SDK1: variants seen among roughly 807,000 people sequenced by gnomAD.
SDK1 encodes sidekick cell adhesion molecule 1, also known as protein sidekick-1.
A neutral mutation model predicts 245.5 loss-of-function variants in SDK1; 157 were observed. That is an observed-to-expected ratio of 0.64 (90% CI 0.56 to 0.73). The LOEUF (loss-of-function observed/expected upper bound fraction) is 0.73. Ranked by LOEUF, SDK1 falls within the 30% of genes least tolerant of loss-of-function variation. The pLI, the probability that SDK1 is intolerant of heterozygous loss-of-function variation, is 0.00. For missense variants in SDK1, 3,583 were observed against 3,002.3 expected, an observed-to-expected ratio of 1.19 and a Z score of -4.52; for synonymous variants, 1,647 against 1,278.5, an observed-to-expected ratio of 1.29 and a Z score of -6.15.
chr7:3,467,504 G>T (rs1781046035), intron 1 of SDK1, among the ~76,000 whole-genome samples: 1 of 151,176 alleles, frequency 6.6e-6, no homozygotes, highest in Non-Finnish European at 1.5e-5. Context: ...GGTATTTGGA[G>T]AAATTAGCTA....
intron 5 of SDK1, among the ~76,000 whole-genome samples, chr7:3,913,961 G>C (rs1480352394): frequency 6.6e-6 from 1 of 152,132 alleles, no homozygotes; most frequent in Non-Finnish European, 1.5e-5. Context: ...GGCTGACTCT[G>C]CTATACCATA....
At chr7:3,475,231 C>T (rs747830554) in intron 1 of SDK1, among the ~76,000 whole-genome samples, 28 of 152,166 alleles carry the variant, frequency 1.8e-4, no homozygotes, top group Non-Finnish European at 3.8e-4. Flanking sequence ...TCACTTGCTT[C>T]TTGTTGTCTT....
chr7:3,655,231 CAA>C (rs1783125628), intron 4 of SDK1, among the ~76,000 whole-genome samples: 1 of 150,846 alleles, frequency 6.6e-6, no homozygotes, highest in Non-Finnish European at 1.5e-5. Context: ...GTTGGGAGTT[CAA>C]GACCAGCCTG....
intron 4 of SDK1, among the ~76,000 whole-genome samples, chr7:3,810,624 C>T (rs143765340): frequency 6.6e-6 from 1 of 152,150 alleles, no homozygotes; most frequent in South Asian, 2.1e-4. Context: ...GGGCAAAAAT[C>T]CCTGATGAAA....
chr7:3,886,759 A>G (rs947866133), intron 5 of SDK1, among the ~76,000 whole-genome samples: 1 of 152,216 alleles, frequency 6.6e-6, no homozygotes, highest in African/African-American at 2.4e-5. Context: ...TACAAAAAAT[A>G]TTAAAAATTA....
At chr7:3,987,733 C>A (rs1783979938) in intron 14 of SDK1, among the ~76,000 whole-genome samples, 1 of 151,790 alleles carries the variant, frequency 6.6e-6, no homozygotes, top group Non-Finnish European at 1.5e-5. Context: ...AAGTGTTCAG[C>A]ACCCTCTTCC....
At chr7:4,224,389 A>G (rs1297787349) in intron 40 of SDK1, among the ~76,000 whole-genome samples, 1 of 152,124 alleles carries the variant, frequency 6.6e-6, no homozygotes, top group Non-Finnish European at 1.5e-5. Flanking sequence ...GGAGGAAGAG[A>G]GTGAGTGGGG....
In SDK1 at chr7:4,012,345, G is replaced by A. The variant is rs1371355022; in HGVS notation, c.2420+110G>A. The A allele has an allele frequency of 3.3e-6, 4 of 1,196,054 alleles. No homozygotes were observed. The African/African-American group carries it at 4.7e-5, about 14-fold the overall frequency. 74.1% of individuals were successfully genotyped at this position (1,196,054 alleles called of 1,614,324 possible). A position where few individuals can be genotyped will look rare whatever the true frequency, so the allele number is the denominator to read the frequency against. On this transcript the variant is annotated intron_variant, in intron 16 of 44. Coordinates refer to ENST00000404826, the MANE Select transcript of SDK1 (RefSeq NM_152744.4). ...TAAGAGCCAAACAGGAACCAAAGGA[G>A]TCAGGCCAGGTGTGAGATGTTAGGG...
At chr7:4,010,007 T>C (rs1785807914) in intron 14 of SDK1, among the ~76,000 whole-genome samples, 1 of 152,196 alleles carries the variant, frequency 6.6e-6, no homozygotes, top group African/African-American at 2.4e-5. Context: ...AGCCCAACAC[T>C]ATGGTGGAAA....
chr7:4,174,116 T>TA (rs1782022882), intron 32 of SDK1, 106 bp from the exon 33 acceptor site: 1 of 1,283,804 alleles, frequency 7.8e-7, no homozygotes, highest in Non-Finnish European at 1.1e-6. Context: ...ACCCACGACT[T>TA]TCTTCTGTGC....
At chr7:3,825,113 A>G in intron 5 of SDK1, among the ~76,000 whole-genome samples, 1 of 152,120 alleles carries the variant, frequency 6.6e-6, no homozygotes, top group South Asian at 2.1e-4. Context: ...TTTCATGGCC[A>G]GCTCCCACTG....
chr7:3,366,234 C>G (rs1467302865), intron 1 of SDK1, among the ~76,000 whole-genome samples: 1 of 152,096 alleles, frequency 6.6e-6, no homozygotes, highest in Non-Finnish European at 1.5e-5. Context: ...TTTCATTCTT[C>G]CCAGTATCAC....
intron 19 of SDK1, among the ~76,000 whole-genome samples, chr7:4,065,800 C>G (rs951347539): frequency 1.4e-5 from 2 of 140,112 alleles, no homozygotes; most frequent in Admixed American, 1.6e-4. Flanking sequence ...ACTCAGTGCT[C>G]GGTATGGAAT....
intron 30 of SDK1, among the ~76,000 whole-genome samples, chr7:4,150,471 C>T (rs997367630): frequency 2.0e-5 from 3 of 152,196 alleles, no homozygotes; most frequent in African/African-American, 7.2e-5. Context: ...TAGGTCAGCT[C>T]TGCGTCCCTG....
chr7:3,941,001 C>T (rs930539842), intron 5 of SDK1, among the ~76,000 whole-genome samples: 1 of 151,850 alleles, frequency 6.6e-6, no homozygotes, highest in African/African-American at 2.4e-5. Flanking sequence ...GAAGCTTGGG[C>T]AGCTTCTGCA....
chr7:3,538,174 G>A (rs187822824), intron 1 of SDK1, among the ~76,000 whole-genome samples: 1 of 152,220 alleles, frequency 6.6e-6, no homozygotes. Context: ...GGATGGGGTG[G>A]GGCAGATTTT....
At chr7:3,572,744 T>C (rs1780156194) in intron 1 of SDK1, among the ~76,000 whole-genome samples, 1 of 152,056 alleles carries the variant, frequency 6.6e-6, no homozygotes, top group Admixed American at 6.6e-5. Context: ...AATCCAGTCA[T>C]TGCCTTCACA....
intron 5 of SDK1, among the ~76,000 whole-genome samples, chr7:3,883,754 G>A (rs1242230308): frequency 3.7e-5 from 5 of 135,030 alleles, no homozygotes; most frequent in African/African-American, 5.7e-5. Flanking sequence ...CTTCCTCCAC[G>A]GTGGTTCTTG....
chr7:3,641,830 G>T, intron 3 of SDK1, 128 bp from the exon 4 acceptor site: 1 of 763,648 alleles, frequency 1.3e-6, no homozygotes, highest in Non-Finnish European at 2.1e-6. Flanking sequence ...GTGCAGTCTC[G>T]CTCGTCCTGG....
Sources: gnomAD v4.1 joint callset for allele counts (sites outside exome capture counted in the v4.1 genomes callset) on GRCh38, gnomAD v4.1.1 for gene constraint, MANE v1.5 for transcripts, NCBI Gene and HGNC (gene_info 2026-07-23, HGNC 2026-07-21) for gene names.